Variants in LRP1B observed in about 807,000 individuals in gnomAD.
The protein encoded by LRP1B is low-density lipoprotein receptor-related protein 1B.
A neutral mutation model predicts 556.6 loss-of-function variants in LRP1B; 217 were observed. The observed-to-expected ratio is 0.39, with a 90% CI of 0.35 to 0.44. The LOEUF (loss-of-function observed/expected upper bound fraction) is 0.44, where lower values mean the gene tolerates loss of function less well. Ranked by LOEUF, LRP1B falls within the 20% of genes least tolerant of loss-of-function variation. The probability of loss-of-function intolerance (pLI) is 1.00; values close to 1 mark genes in which losing one functional copy is unlikely to be tolerated. For missense variants in LRP1B, 5,053 were observed against 5,620.8 expected (o/e 0.90, Z 3.23); for synonymous variants, 2,047 against 1,865.8 (o/e 1.10, Z -2.50).
chr2:140,949,820 G>T (rs1695656134), intron 20 of LRP1B, among the ~76,000 whole-genome samples: 4 of 151,262 alleles, frequency 2.6e-5, no homozygotes, highest in African/African-American at 7.3e-5. Context: ...GGTGCCTGTA[G>T]TCCCAGCTAC....
chr2:141,421,528 CA>C (rs34839214), intron 3 of LRP1B, among the ~76,000 whole-genome samples: 2,469 of 138,204 alleles, frequency 0.018, 74 homozygotes, highest in African/African-American at 0.062. Flanking sequence ...GACTCTGTCT[CA>C]AAAAAAAAAA....
At chr2:141,519,572 A>C (rs1052931854) in intron 2 of LRP1B, among the ~76,000 whole-genome samples, 5 of 151,914 alleles carry the variant, frequency 3.3e-5, no homozygotes, top group Admixed American at 3.3e-4. Context: ...GAATTCAATT[A>C]TATTTCACTC....
rs768810439 is a variant in LRP1B at position 140,700,403 on chromosome 2, C to T, written c.6646G>A (p.Glu2216Lys). 1.5e-5 allele frequency: 24 copies of T among 1,613,310 alleles called. No individual in the cohort carries two copies. Among genetic ancestry groups the T allele is most frequent in the Non-Finnish European group, 1.7e-5 (20 of 1,179,608 alleles). ...ACATTCTTGAAATAACGTGGATTCT[C>T]ATATGGCCTTATTGGGGAATTTAAA... ...TNLNSPIRPYENPRYFKNVIA... is the reference protein window; with the variant it reads ...TNLNSPIRPYKNPRYFKNVIA... Residue 2216 changes from glutamate to lysine, a missense_variant, in exon 41 of 91, where the codon GAG becomes AAG. Glu to Lys is a moderately conservative substitution (Grantham distance 56). Transcript: ENST00000389484.
At position 140,428,332 on chromosome 2, in the gene LRP1B, T is replaced by A. The variant is rs140096575; in HGVS notation, c.10414+14172A>T. Among the ~76,000 whole-genome samples, 3 of 152,046 alleles carry A rather than the reference T, an allele frequency of 2.0e-5. No homozygotes were observed. The South Asian group carries it at 6.2e-4, about 32-fold the overall frequency. ...CACTGCGAGACAAACCCCAGCCACA[T>A]CTCCAGCACACAAGAAATTCCAAAC... On this transcript the variant is annotated intron_variant, in intron 66 of 90. Coordinates refer to ENST00000389484, the MANE Select transcript of LRP1B (RefSeq NM_018557.3).
At chr2:141,347,680 C>CA (rs747307449) in intron 3 of LRP1B, among the ~76,000 whole-genome samples, 1 of 151,610 alleles carries the variant, frequency 6.6e-6, no homozygotes, top group Non-Finnish European at 1.5e-5. Flanking sequence ...TCAGACAGAT[C>CA]AAAAAAAGTA....
intron 3 of LRP1B, among the ~76,000 whole-genome samples, chr2:141,475,648 C>T (rs773238263): frequency 3.9e-5 from 6 of 151,980 alleles, no homozygotes; most frequent in South Asian, 4.2e-4. Flanking sequence ...CCCCAAACCT[C>T]GGGCTCCACA....
chr2:141,637,496 A>G (rs1179424252), intron 2 of LRP1B, among the ~76,000 whole-genome samples: 1 of 152,226 alleles, frequency 6.6e-6, no homozygotes, highest in African/African-American at 2.4e-5. Context: ...TGGGTCTGAG[A>G]AACTCTGCTA....
At chr2:140,948,114 G>A (rs534344075) in intron 20 of LRP1B, among the ~76,000 whole-genome samples, 24 of 152,210 alleles carry the variant, frequency 1.6e-4, no homozygotes, top group East Asian at 3.9e-4. Context: ...TGTAATGATC[G>A]TTTAAACTTA....
At chr2:142,094,800 T>C (rs962362396) in intron 1 of LRP1B, among the ~76,000 whole-genome samples, 1 of 150,930 alleles carries the variant, frequency 6.6e-6, no homozygotes, top group Non-Finnish European at 1.5e-5. Context: ...TATTTAGTAA[T>C]AAATATTTAG....
At chr2:141,486,943 G>A (rs951600236) in intron 2 of LRP1B, among the ~76,000 whole-genome samples, 12 of 152,124 alleles carry the variant, frequency 7.9e-5, no homozygotes, top group African/African-American at 2.4e-4. Context: ...CCACAGTGAA[G>A]CCAGAGACAT....
At chr2:140,995,114 T>A (rs999499935) in intron 15 of LRP1B, among the ~76,000 whole-genome samples, 3 of 152,032 alleles carry the variant, frequency 2.0e-5, no homozygotes, top group African/African-American at 7.2e-5. Context: ...CCAGTTTTAT[T>A]GAATAGCTAC....
intron 2 of LRP1B, among the ~76,000 whole-genome samples, chr2:141,491,564 A>G (rs1022627845): frequency 6.6e-5 from 10 of 152,168 alleles, no homozygotes; most frequent in Non-Finnish European, 1.5e-4. Context: ...AATTAGAAGC[A>G]GGGATAACTC....
At chr2:142,107,299 G>T (rs1040595303) in intron 1 of LRP1B, among the ~76,000 whole-genome samples, 1 of 152,170 alleles carries the variant, frequency 6.6e-6, no homozygotes, top group Non-Finnish European at 1.5e-5. Flanking sequence ...AGGTGATTAG[G>T]TCATAAGGGT....
intron 3 of LRP1B, among the ~76,000 whole-genome samples, chr2:141,435,928 C>A (rs1175233289): frequency 1.3e-5 from 2 of 152,102 alleles, no homozygotes; most frequent in Non-Finnish European, 2.9e-5. Flanking sequence ...AACTGTGGCC[C>A]CCAGACTGGA....
At chr2:141,805,863 G>A (rs1264838249) in intron 2 of LRP1B, 1 of 152,060 alleles carries the variant, frequency 6.6e-6, no homozygotes, top group Non-Finnish European at 1.5e-5. Context: ...ACCCTTGTAG[G>A]ACAGGACAGA....
intron 2 of LRP1B, among the ~76,000 whole-genome samples, chr2:141,716,638 A>G (rs1160367841): frequency 6.6e-6 from 1 of 152,214 alleles, no homozygotes; most frequent in African/African-American, 2.4e-5. Flanking sequence ...ACTGCTCTGC[A>G]TATGTTTTTG....
Position 140,769,182 on chromosome 2 carries a change from A to T in LRP1B, c.5758+31T>A, listed in dbSNP as rs201308221. 3 of 1,592,316 alleles carry T rather than the reference A, an allele frequency of 1.9e-6. No individual in the cohort carries two copies. In the East Asian group the frequency reaches 6.7e-5, roughly 36 times the overall value. ...GTTTAATAAATCAAGTGAATATATT[A>T]TGCATAAATTATGACTAAAAAGCTA... On this transcript the variant is annotated intron_variant, in intron 35 of 90. Coordinates refer to ENST00000389484, the MANE Select transcript of LRP1B (RefSeq NM_018557.3).
chr2:141,550,881 A>T (rs1367591489), intron 2 of LRP1B, among the ~76,000 whole-genome samples: 3 of 152,118 alleles, frequency 2.0e-5, no homozygotes, highest in Non-Finnish European at 4.4e-5. Context: ...GATGTGTCAT[A>T]TGCCATATAT....
intron 77 of LRP1B, among the ~76,000 whole-genome samples, chr2:140,348,165 A>T (rs186493328): frequency 8.4e-4 from 128 of 152,176 alleles, no homozygotes; most frequent in Non-Finnish European, 7.4e-5. Context: ...TCAGATGAAT[A>T]AGCTGAGACC....
Sources: gnomAD v4.1 joint callset for allele counts (sites outside exome capture counted in the v4.1 genomes callset) on GRCh38, gnomAD v4.1.1 for gene constraint, MANE v1.5 for transcripts, NCBI Gene and HGNC (gene_info 2026-07-23, HGNC 2026-07-21) for gene names.